TOMM40: variants seen among roughly 807,000 people sequenced by gnomAD.
The protein encoded by TOMM40 is mitochondrial import receptor subunit TOM40 homolog.
In TOMM40, 9 loss-of-function variants were observed where a neutral mutation model predicts 38.4. That is an observed-to-expected ratio of 0.23 (90% CI 0.14 to 0.41). The LOEUF is 0.41. TOMM40 is among the 10% of genes least tolerant of loss of function. The pLI is 1.00. For synonymous variants in TOMM40, 184 were observed against 210.0 expected, an observed-to-expected ratio of 0.88 and a Z score of 1.07; for missense variants, 299 against 486.5, an observed-to-expected ratio of 0.61 and a Z score of 3.63.
At chr19:44,899,156 TTTC>T (rs1380518110) in intron 5 of TOMM40, among the ~76,000 whole-genome samples, 1 of 149,368 alleles carries the variant, frequency 6.7e-6, no homozygotes, top group African/African-American at 2.5e-5. Context: ...AAAAATTAAA[TTTC>T]TTATTTTTTG....
At position 44,902,879 on chromosome 19, in the gene TOMM40, T is replaced by C. The variant is rs1021340795; in HGVS notation, c.947-151T>C. 16 of 914,630 alleles carry C rather than the reference T, an allele frequency of 1.7e-5. No homozygotes were observed. The African/African-American group carries it at 2.7e-4, about 16-fold the overall frequency. 56.7% of individuals were successfully genotyped at this position (914,630 alleles called of 1,614,324 possible). Reference sequence around the variant, plus strand: ...GTGAGCCATTTGCTCCAGCGTGAAGTTGTTGGTGTGATGGGGTTTCAGGGT... The same window carrying C: ...GTGAGCCATTTGCTCCAGCGTGAAGCTGTTGGTGTGATGGGGTTTCAGGGT... On this transcript the variant is annotated intron_variant, in intron 8 of 8. Transcript: ENST00000426677.
chr19:44,892,735 C>A (rs1027235892), intron 2 of TOMM40, 102 bp from the exon 3 acceptor site: 76 of 995,728 alleles, frequency 7.6e-5, no homozygotes, highest in South Asian at 1.1e-4. Flanking sequence ...GGCCGTGCCT[C>A]CCAGTCTTCA....
chr19:44,893,897 A>G lies in TOMM40; in HGVS notation c.537+16A>G. 1 of 1,611,198 alleles carries G rather than the reference A, an allele frequency of 6.2e-7. No homozygotes were observed. The highest frequency in any genetic ancestry group is 8.5e-7 in the Non-Finnish European group (1 of 1,179,186). ...GGCCATCCAGGTGAGTGGGGCACGG[A>G]GGCTGCTGCTCCCCTCGGCCACCGT... On this transcript the variant is annotated intron_variant, in intron 4 of 8. Transcript: ENST00000426677.
intron 6 of TOMM40, 50 bp downstream of exon 6, chr19:44,900,902 C>A (rs1287510714): frequency 5.0e-6 from 8 of 1,609,244 alleles, no homozygotes; most frequent in South Asian, 1.1e-5. Context: ...CCCCTGGACT[C>A]CTCCTGGGTC....
intron 5 of TOMM40, 96 bp downstream of exon 5, chr19:44,894,162 G>A (rs1969521471): frequency 1.1e-6 from 1 of 904,774 alleles, no homozygotes; most frequent in Admixed American, 3.3e-5. Context: ...TCTGCCACTG[G>A]AGAAGTGGCT....
chr19:44,897,462 A>G (rs1221614292), intron 5 of TOMM40, among the ~76,000 whole-genome samples: 1 of 151,860 alleles, frequency 6.6e-6, no homozygotes, highest in Non-Finnish European at 1.5e-5. Context: ...CCCACCTCAC[A>G]TACCTCTGCC....
At chr19:44,901,128 G>T in intron 7 of TOMM40, 24 bp downstream of exon 7, 2 of 1,614,166 alleles carry the variant, frequency 1.2e-6, no homozygotes, top group Non-Finnish European at 1.7e-6. Context: ...GGGACTAGCT[G>T]GTGCTGCCAG....
chr19:44,903,008 T>A, intron 8 of TOMM40, 22 bp from the exon 9 acceptor site: 1 of 1,607,644 alleles, frequency 6.2e-7, no homozygotes, highest in Non-Finnish European at 8.5e-7. Flanking sequence ...GGCACGCCTC[T>A]CACCTCAGCT....
In TOMM40 at chr19:44,893,943, A is replaced by G; in HGVS notation, c.538-18A>G. The G allele has an allele frequency of 6.3e-7, 1 of 1,589,894 alleles. No homozygotes were observed. Among genetic ancestry groups the G allele is most frequent in the Non-Finnish European group, 8.6e-7 (1 of 1,166,486 alleles). On this transcript the variant is annotated intron_variant, in intron 4 of 8. Transcript: ENST00000426677. ...ACCGTGAGCAGGGAGCCGCCCTCAC[A>G]CCCCCTCCTCTCCACAGACCCAGCA...
chr19:44,901,490 C>G, intron 8 of TOMM40, 180 bp downstream of exon 8: 1 of 1,441,810 alleles, frequency 6.9e-7, no homozygotes, highest in Non-Finnish European at 9.1e-7. Context: ...CGCCTGTAAT[C>G]CCAGCACTTT....
At position 44,897,082 on chromosome 19, in the gene TOMM40, C is replaced by T. The variant is rs117261757; in HGVS notation, c.643+3016C>T. On this transcript the variant is annotated intron_variant, in intron 5 of 8. Coordinates refer to ENST00000426677, the MANE Select transcript of TOMM40 (RefSeq NM_001128917.2). ...GTGTGCTGAGGAACCCATATCTTCT[C>T]AGGGCACGAGGGAGCCATGGCAGGT... Among the ~76,000 whole-genome samples the T allele has an allele frequency of 2.6e-5, 4 of 152,146 alleles. No homozygotes were observed. In the East Asian group the frequency reaches 7.7e-4, roughly 29 times the overall value.
At chr19:44,893,729 T>C in intron 3 of TOMM40, 51 bp from the exon 4 acceptor site, 1 of 1,528,184 alleles carries the variant, frequency 6.5e-7, no homozygotes, top group Non-Finnish European at 9.0e-7. Context: ...CCATCTCACA[T>C]ACTTGCACAG....
In TOMM40 at chr19:44,891,728, G is replaced by A. The variant is rs977489989; in HGVS notation, c.274+39G>A. The A allele has an allele frequency of 1.2e-5, 17 of 1,401,690 alleles. No individual in the cohort carries two copies. The African/African-American group carries it at 2.1e-4, about 17-fold the overall frequency. The allele number at this position is 1,401,690 out of a possible 1,614,324, so 86.8% of individuals were successfully genotyped here. A position where few individuals can be genotyped will look rare whatever the true frequency, so the allele number is the denominator to read the frequency against. ...GGCCCCCGCTGGGCTGCGATGGCCT[G>A]GATCTCGGGGGAAGGGGGAGGACAC... On this transcript the variant is annotated intron_variant, in intron 1 of 8. Coordinates refer to ENST00000426677, the MANE Select transcript of TOMM40 (RefSeq NM_001128917.2).
intron 8 of TOMM40, 140 bp from the exon 9 acceptor site, chr19:44,902,890 A>G (rs1969709493): frequency 2.9e-6 from 3 of 1,050,874 alleles, no homozygotes; most frequent in Non-Finnish European, 4.0e-6. Context: ...TGTTGGTGTG[A>G]TGGGGTTTCA....
At chr19:44,901,519 G>A (rs1013283118) in intron 8 of TOMM40, 21 of 1,324,162 alleles carry the variant, frequency 1.6e-5, no homozygotes, top group Admixed American at 1.1e-4. Flanking sequence ...AAGGCGGGCC[G>A]AGGTAAGGAG....
intron 5 of TOMM40, among the ~76,000 whole-genome samples, chr19:44,897,785 A>AAG (rs1969594550): frequency 6.8e-6 from 1 of 147,656 alleles, no homozygotes; most frequent in East Asian, 2.0e-4. Context: ...TCAAAAAAAA[A>AAG]AAAAAAGAGA....
chr19:44,892,315 G>T (rs1969481398), intron 1 of TOMM40, 78 bp from the exon 2 acceptor site: 1 of 1,385,814 alleles, frequency 7.2e-7, no homozygotes, highest in Non-Finnish European at 1.0e-6. Flanking sequence ...TCTGGAGAGA[G>T]CTGGGGGTGG....
intron 5 of TOMM40, among the ~76,000 whole-genome samples, chr19:44,897,522 A>G (rs934726261): frequency 6.6e-5 from 10 of 152,056 alleles, no homozygotes. Flanking sequence ...GCACAGTGTC[A>G]GCTCACCTCA....
chr19:44,901,597 G>A (rs1000679583), intron 8 of TOMM40: 16 of 698,036 alleles, frequency 2.3e-5, no homozygotes, highest in Non-Finnish European at 3.4e-5. Flanking sequence ...AAAATTAGCC[G>A]GGTGTGGTTG....
Sources: allele counts gnomAD v4.1 joint callset (sites outside exome capture counted in the v4.1 genomes callset), GRCh38; gene constraint gnomAD v4.1.1; transcripts MANE v1.5; gene names NCBI Gene and HGNC (gene_info 2026-07-23, HGNC 2026-07-21).